ADGRB2: variants seen among roughly 807,000 people sequenced by gnomAD.
ADGRB2 encodes brain-specific angiogenesis inhibitor 2.
In ADGRB2, 47 loss-of-function variants were observed where a neutral mutation model predicts 178.7. The ratio of observed to expected loss-of-function variants is 0.26; its 90% CI spans 0.21 to 0.34. The LOEUF (loss-of-function observed/expected upper bound fraction) is 0.34, where lower values mean the gene tolerates loss of function less well. Among genes scored for constraint, ADGRB2 ranks in the 10% least tolerant of loss-of-function variants. ADGRB2 has a pLI of 1.00. For missense variants in ADGRB2, 1,584 were observed against 2,180.8 expected, an observed-to-expected ratio of 0.73 and a Z score of 5.45; for synonymous variants, 870 against 912.4, an observed-to-expected ratio of 0.95 and a Z score of 0.84.
In ADGRB2 at chr1:31,758,935, C is replaced by T. The variant is rs1345399880; in HGVS notation, c.-190-1424G>A. 1.3e-5 allele frequency among the ~76,000 whole-genome samples: 2 copies of T among 152,256 alleles called. No individual in the cohort carries two copies. The highest frequency in any genetic ancestry group is 2.9e-5 in the Non-Finnish European group (2 of 68,050). On this transcript the variant is annotated intron_variant, in intron 1 of 32. Transcript: ENST00000373658. This position sits in a 1 kb window ranked among gnomAD's most constrained non-coding sequence, Gnocchi z 4.2. ...GGCTGATGATGAGTGACATCCAATC[C>T]CCCTGCTGCCCCCAATTATTTTTAA... is the stretch of plus-strand genomic sequence containing the variant.
At chr1:31,751,056 T>C (rs971358841) in intron 4 of ADGRB2, among the ~76,000 whole-genome samples, 3 of 152,052 alleles carry the variant, frequency 2.0e-5, no homozygotes, top group Non-Finnish European at 2.9e-5. Flanking sequence ...CATAAAGCCC[T>C]TGGCCAAGAG....
Position 31,756,793 on chromosome 1 carries a change from G to A in ADGRB2, c.44C>T (p.Pro15Leu). The A allele has an allele frequency of 6.7e-7, 1 of 1,489,544 alleles. No individual in the cohort carries two copies. Among genetic ancestry groups the A allele is most frequent in the Non-Finnish European group, 9.0e-7 (1 of 1,116,282 alleles). 92.3% of individuals were successfully genotyped at this position (1,489,544 alleles called of 1,614,324 possible). The change falls in exon 4 of 33, where the codon CCA becomes CTA. Residue 15 changes from proline (P) to leucine (L), a missense_variant. Physicochemically the swap from Pro to Leu is moderately conservative, Grantham distance 98. This residue lies in a region of ADGRB2 where 657 missense variants were observed against 847.6 expected (regional missense o/e 0.78). Transcript: ENST00000373658. This position sits in a 1 kb window ranked among gnomAD's most constrained non-coding sequence, Gnocchi z 8.5. ...CACAGACAGTAAGAGGGGACAGGCT[G>A]GGGTCATCCTATGTCCCTTGCCCTG... The part of the protein sequence containing the change: ...GWMGKGHRMT[P>L]ACPLLLSVIL...
chr1:31,744,056 T>C lies in ADGRB2; in HGVS notation c.1087+137A>G, dbSNP rs186674832. On this transcript the variant is annotated intron_variant, in intron 6 of 32. Transcript: ENST00000373658. This position sits in a 1 kb window ranked among gnomAD's most constrained non-coding sequence, Gnocchi z 6.7. Reference sequence around the variant, plus strand: ...ACCGGGCTGGCATGGTACGCAGAGTTGGGCATGGTGTGGGGAACAGCCACA... The same window carrying C: ...ACCGGGCTGGCATGGTACGCAGAGTCGGGCATGGTGTGGGGAACAGCCACA... 143 of 1,169,114 alleles carry C rather than the reference T, an allele frequency of 1.2e-4. No homozygotes were observed. In the African/African-American group the frequency reaches 1.9e-3, roughly 15 times the overall value. The allele number at this position is 1,169,114 out of a possible 1,614,324, so 72.4% of individuals were successfully genotyped here.
At chr1:31,732,711 G>C in intron 26 of ADGRB2, 99 bp from the exon 27 acceptor site, 1 of 1,385,462 alleles carries the variant, frequency 7.2e-7, no homozygotes, top group Non-Finnish European at 1.0e-6. Context: ...AAGTGTAGAA[G>C]GAAGGCAACA....
Position 31,738,324 on chromosome 1 carries a change from T to C in ADGRB2, c.2648A>G (p.Asp883Gly). ...AGTGTCCCAGTCTCCTGAGCTGGCA[T>C]CTCTTGGGTAGGGGAGAGATTCAGT... ...HCASWDYSRADASSGDWDTEN... is the reference protein window; with the variant it reads ...HCASWDYSRAGASSGDWDTEN... Residue 883 changes from aspartate to glycine, a missense_variant and splice_region_variant, in exon 18 of 33, where the codon GAT becomes GGT. By Grantham distance (94) the Asp-to-Gly change is moderately conservative (BLOSUM62 -1). Transcript: ENST00000373658. 1 of 1,614,042 alleles carries C rather than the reference T, an allele frequency of 6.2e-7. No individual in the cohort carries two copies. The highest frequency in any genetic ancestry group is 1.6e-4 in the Middle Eastern group (1 of 6,062).
Position 31,732,450 on chromosome 1 carries a change from A to G in ADGRB2, c.3720+67T>C. On this transcript the variant is annotated intron_variant, in intron 27 of 32. Coordinates refer to ENST00000373658, the MANE Select transcript of ADGRB2 (RefSeq NM_001364857.2). ...CATGGATGGGGAAGGTAAATGGTCT[A>G]GGGCAGGAGGATTGGGGTGGGGGGT... The G allele has an allele frequency of 3.2e-6, 5 of 1,554,526 alleles. No homozygotes were observed. The East Asian group carries it at 6.8e-5, about 21-fold the overall frequency.
At position 31,750,068 on chromosome 1, in the gene ADGRB2, T is replaced by C. The variant is rs140656286; in HGVS notation, c.839-5337A>G. Reference sequence around the variant, plus strand: ...CCTCCCTCCACACATCTGCTAACACTATTCCCTGCCCTTGAAATACCCTTC... The same window carrying C: ...CCTCCCTCCACACATCTGCTAACACCATTCCCTGCCCTTGAAATACCCTTC... On this transcript the variant is annotated intron_variant, in intron 4 of 32. Coordinates refer to ENST00000373658, the MANE Select transcript of ADGRB2 (RefSeq NM_001364857.2). Among the ~76,000 whole-genome samples the C allele has an allele frequency of 7.2e-5, 11 of 152,348 alleles. No homozygotes were observed. The East Asian group carries it at 2.1e-3, about 29-fold the overall frequency.
chr1:31,728,334 C>T lies in ADGRB2; in HGVS notation c.4417-54G>A. Reference sequence around the variant, plus strand: ...CTCCCCGGGGCAGCACCATGATCCCCCCTACCCAGGGCACTCAGCACCCCA... The same window carrying T: ...CTCCCCGGGGCAGCACCATGATCCCTCCTACCCAGGGCACTCAGCACCCCA... On this transcript the variant is annotated intron_variant, in intron 30 of 32. Coordinates refer to ENST00000373658, the MANE Select transcript of ADGRB2 (RefSeq NM_001364857.2). This position sits in a 1 kb window ranked among gnomAD's most constrained non-coding sequence, Gnocchi z 6.7. 1 of 1,569,662 alleles carries T rather than the reference C, an allele frequency of 6.4e-7. No individual in the cohort carries two copies. Among genetic ancestry groups the T allele is most frequent in the Non-Finnish European group, 8.7e-7 (1 of 1,147,776 alleles).
chr1:31,737,940 C>T (rs542890235), intron 18 of ADGRB2, among the ~76,000 whole-genome samples, 185 bp from the exon 19 acceptor site: 2 of 152,284 alleles, frequency 1.3e-5, no homozygotes, highest in East Asian at 3.9e-4. Context: ...TATGCTCAGT[C>T]ACCTGCACTC....
At chr1:31,747,360 G>A (rs907140972) in intron 4 of ADGRB2, among the ~76,000 whole-genome samples, 13 of 152,106 alleles carry the variant, frequency 8.5e-5, no homozygotes, top group African/African-American at 3.1e-4. Flanking sequence ...CCTCTCCTGT[G>A]CTCCATTCCT....
Position 31,742,081 on chromosome 1 carries a change from G to T in ADGRB2, c.1389C>A (p.Thr463=), listed in dbSNP as rs1646004864. ...WATCTGALTD[T]RECSNLECPA... is the part of the protein sequence containing the mutation. ...GGCACTCGAGGTTGCTGCACTCCCG[G>T]GTGTCAGTGAGGGCACCCGTGCATG... The change falls in exon 8 of 33, where the codon ACC becomes ACA. Residue 463 remains threonine, a synonymous_variant. Coordinates refer to ENST00000373658, the MANE Select transcript of ADGRB2 (RefSeq NM_001364857.2). The T allele has an allele frequency of 6.2e-7, 1 of 1,612,248 alleles. No homozygotes were observed. The highest frequency in any genetic ancestry group is 8.5e-7 in the Non-Finnish European group (1 of 1,179,198).
chr1:31,764,026 C>A lies in ADGRB2; in HGVS notation c.-333G>T. 2 of 979,420 alleles carry A rather than the reference C, an allele frequency of 2.0e-6. No individual in the cohort carries two copies. The highest frequency in any genetic ancestry group is 1.2e-6 in the Non-Finnish European group (1 of 827,506). The allele number at this position is 979,420 out of a possible 1,614,324, so 60.7% of individuals were successfully genotyped here. On this transcript the variant is annotated 5_prime_UTR_variant, in exon 1 of 33. Coordinates refer to ENST00000373658, the MANE Select transcript of ADGRB2 (RefSeq NM_001364857.2). This position sits in a 1 kb window ranked among gnomAD's most constrained non-coding sequence, Gnocchi z 7.3. Reference sequence around the variant, plus strand: ...CGCGGAGGGCCGAGGCTCCCGCTCTCCCGGGCGGCGGGTGCAGAAAAGGCG... The same window carrying A: ...CGCGGAGGGCCGAGGCTCCCGCTCTACCGGGCGGCGGGTGCAGAAAAGGCG...
In ADGRB2 at chr1:31,744,385, A is replaced by AG; in HGVS notation, c.923-29dup. The AG allele has an allele frequency of 6.5e-7, 1 of 1,546,716 alleles. No individual in the cohort carries two copies. Among genetic ancestry groups the AG allele is most frequent in the Non-Finnish European group, 8.7e-7 (1 of 1,146,130 alleles). On this transcript the variant is annotated intron_variant, in intron 5 of 32. Coordinates refer to ENST00000373658, the MANE Select transcript of ADGRB2 (RefSeq NM_001364857.2). This position sits in a 1 kb window ranked among gnomAD's most constrained non-coding sequence, Gnocchi z 6.7. ...ACGAGAGAGGGACAGCGTCGGCGGC[A>AG]GGGGGCACCTCCCAAGCACTCAGTC...
chr1:31,738,224 T>A lies in ADGRB2; in HGVS notation c.2748A>T (p.Val916=). Residue 916 remains valine (V), a synonymous_variant, in exon 18 of 33, where the codon GTA becomes GTT. Transcript: ENST00000373658. ...CQCQHLSTFA[V]LAQPPKDLTL... is the part of the protein sequence containing the mutation. ...CCAGGTCCTTGGGCGGCTGGGCTAG[T>A]ACAGCAAAGGTGGACAGGTGCTGGC... 1 of 1,614,142 alleles carries A rather than the reference T, an allele frequency of 6.2e-7. No homozygotes were observed. The highest frequency in any genetic ancestry group is 8.5e-7 in the Non-Finnish European group (1 of 1,180,016).
At chr1:31,732,006 C>A (rs887794944) in intron 28 of ADGRB2, 109 bp downstream of exon 28, 92 of 1,443,722 alleles carry the variant, frequency 6.4e-5, no homozygotes, top group Non-Finnish European at 8.2e-5. Flanking sequence ...AACTTCGAAG[C>A]TGGACTCCAG....
intron 26 of ADGRB2, 107 bp downstream of exon 26, chr1:31,732,865 G>C: frequency 7.1e-7 from 1 of 1,410,006 alleles, no homozygotes; most frequent in Admixed American, 2.3e-5. Context: ...GATGGGGCCT[G>C]GGGCACCCTG....
chr1:31,745,134 G>A (rs1444945535), intron 4 of ADGRB2, among the ~76,000 whole-genome samples: 1 of 152,224 alleles, frequency 6.6e-6, no homozygotes, highest in Non-Finnish European at 1.5e-5. Context: ...CTGAGGGCTA[G>A]ACAGGGGAAG....
chr1:31,727,685 A>C lies in ADGRB2; in HGVS notation c.4573-80T>G. The C allele has an allele frequency of 7.3e-7, 1 of 1,376,028 alleles. No homozygotes were observed. Among genetic ancestry groups the C allele is most frequent in the Non-Finnish European group, 9.5e-7 (1 of 1,049,492 alleles). 85.2% of individuals were successfully genotyped at this position (1,376,028 alleles called of 1,614,324 possible). A position where few individuals can be genotyped will look rare whatever the true frequency, so the allele number is the denominator to read the frequency against. On this transcript the variant is annotated intron_variant, in intron 32 of 32. Coordinates refer to ENST00000373658, the MANE Select transcript of ADGRB2 (RefSeq NM_001364857.2). The surrounding 1 kb of genome is among the most constrained non-coding windows in gnomAD (Gnocchi z 4.4). ...ACAGACGATCAAACTGAGGAGTCCC[A>C]GAGAGGGCTGGTAATGCCCAAAGTT...
intron 19 of ADGRB2, 54 bp downstream of exon 19, chr1:31,737,598 C>G: frequency 1.2e-6 from 2 of 1,610,540 alleles, no homozygotes; most frequent in Non-Finnish European, 1.7e-6. Context: ...TGGCTGGCCA[C>G]CTTCTGCGCC....
Sources: gnomAD v4.1 joint callset for allele counts (sites outside exome capture counted in the v4.1 genomes callset) on GRCh38, gnomAD v4.1.1 for gene constraint, gnomAD v4.1.1 regional missense constraint, Gnocchi (gnomAD v3.1) non-coding constraint, MANE v1.5 for transcripts, NCBI Gene and HGNC (gene_info 2026-07-23, HGNC 2026-07-21) for gene names.